Variants in FOCAD observed in about 807,000 individuals in gnomAD.
FOCAD encodes focadhesin.
Under a neutral mutation model 225.6 loss-of-function variants are expected in FOCAD, and 198 were observed. That is an observed-to-expected ratio of 0.88 (90% CI 0.78 to 0.99). The LOEUF (loss-of-function observed/expected upper bound fraction) is 0.99, where lower values mean the gene tolerates loss of function less well. Among genes scored for constraint, FOCAD ranks in the 50% least tolerant of loss-of-function variants. The pLI is 0.00. For missense variants in FOCAD, 2,713 were observed against 2,123.6 expected (o/e 1.28, Z -5.46); for synonymous variants, 897 against 755.0 (o/e 1.19, Z -3.08).
intron 5 of FOCAD, among the ~76,000 whole-genome samples, chr9:20,741,676 CT>C (rs10675694): frequency 6.4e-4 from 56 of 87,162 alleles, no homozygotes; most frequent in African/African-American, 1.6e-3. Flanking sequence ...GGTAAATATG[CT>C]TTTTTTTTTT....
rs141982762 is a variant in FOCAD, at chr9:20,895,308, C to G, written c.2625+10078C>G. On this transcript the variant is annotated intron_variant, in intron 21 of 43. Coordinates refer to ENST00000338382, the MANE Select transcript of FOCAD (RefSeq NM_001375567.1). Reference sequence around the variant, plus strand: ...TTGTTGGCTCTTCTTTGTCCTTTGTCTCTTCATATGAACATTTGAATCAAT... The same window carrying G: ...TTGTTGGCTCTTCTTTGTCCTTTGTGTCTTCATATGAACATTTGAATCAAT... 1.5e-3 allele frequency among the ~76,000 whole-genome samples: 222 copies of G among 151,960 alleles called. 1 individual carries two copies. Among genetic ancestry groups the G allele is most frequent in the Non-Finnish European group, 2.3e-3 (158 of 67,910 alleles).
chr9:20,720,113 A>G (rs1165615163), intron 3 of FOCAD, among the ~76,000 whole-genome samples: 1 of 152,156 alleles, frequency 6.6e-6, no homozygotes, highest in East Asian at 1.9e-4. Flanking sequence ...GTGTTGCTTG[A>G]ACTCGGGTCA....
Position 20,717,826 on chromosome 9 carries a change from G to A in FOCAD, c.90G>A (p.Lys30=). 1.9e-6 allele frequency: 3 copies of A among 1,612,650 alleles called. No homozygotes were observed. Among genetic ancestry groups the A allele is most frequent in the Non-Finnish European group, 2.5e-6 (3 of 1,179,464 alleles). The part of the protein sequence containing the change: ...AVGHLIAAVL[K]ENGFSEKIHQ... ...GTCATCTTATTGCTGCAGTCCTAAA[G>A]GAAAATGGTTTTTCAGAAAAGATTC... The change falls in exon 3 of 44, where the codon AAG becomes AAA. Residue 30 remains lysine (K), a synonymous_variant. Coordinates refer to ENST00000338382, the MANE Select transcript of FOCAD (RefSeq NM_001375567.1).
intron 11 of FOCAD, among the ~76,000 whole-genome samples, chr9:20,803,529 G>T: frequency 6.6e-6 from 1 of 152,138 alleles, no homozygotes; most frequent in Admixed American, 6.5e-5. Flanking sequence ...AGATGTGTTA[G>T]TGTTCCCTTT....
intron 11 of FOCAD, among the ~76,000 whole-genome samples, chr9:20,819,334 T>C (rs955119228): frequency 6.6e-6 from 1 of 152,056 alleles, no homozygotes; most frequent in African/African-American, 2.4e-5. Context: ...CCACCTTACC[T>C]TCCCAAGTAG....
chr9:20,705,725 GAA>G (rs924863199), intron 1 of FOCAD, among the ~76,000 whole-genome samples: 24 of 145,744 alleles, frequency 1.6e-4, no homozygotes, highest in African/African-American at 6.0e-4. Context: ...TATAATATTG[GAA>G]AAAAAAAAGT....
At chr9:20,939,973 G>A (rs62560530) in intron 28 of FOCAD, among the ~76,000 whole-genome samples, 36,334 of 146,960 alleles carry the variant, frequency 0.25, 4,664 homozygotes, top group South Asian at 0.35. Flanking sequence ...TCATTGTTCA[G>A]TTCCCACCTA....
intron 1 of FOCAD, among the ~76,000 whole-genome samples, chr9:20,712,730 C>CTCT (rs781743985): frequency 1.1e-5 from 1 of 93,322 alleles, no homozygotes; most frequent in East Asian, 3.5e-4. Flanking sequence ...CTCCTATATT[C>CTCT]TTTTTTTTTT....
At chr9:20,871,758 TG>T (rs1298817724) in intron 18 of FOCAD, among the ~76,000 whole-genome samples, 1 of 69,346 alleles carries the variant, frequency 1.4e-5, no homozygotes, top group African/African-American at 5.9e-5. Flanking sequence ...GGGACTGTTG[TG>T]GGGTGGGGGG....
intron 5 of FOCAD, among the ~76,000 whole-genome samples, chr9:20,756,119 G>C (rs1048383332): frequency 4.6e-5 from 7 of 152,276 alleles, no homozygotes; most frequent in Middle Eastern, 3.4e-3. Flanking sequence ...ACTGCCAAAG[G>C]GTTTGGAATT....
At chr9:20,866,094 T>G in intron 17 of FOCAD, 118 bp downstream of exon 17, 2 of 837,354 alleles carry the variant, frequency 2.4e-6, no homozygotes, top group Admixed American at 6.4e-5. Context: ...GGGTTCCCAA[T>G]TTTTAAAAAA....
chr9:20,978,727 AG>A (rs1301458036), intron 37 of FOCAD, among the ~76,000 whole-genome samples: 1 of 152,254 alleles, frequency 6.6e-6, no homozygotes, highest in Non-Finnish European at 1.5e-5. Context: ...AAGATCATAT[AG>A]CTAGAAAGTG....
chr9:20,938,431 G>T (rs1427854050), intron 28 of FOCAD, among the ~76,000 whole-genome samples: 1 of 152,126 alleles, frequency 6.6e-6, no homozygotes, highest in African/African-American at 2.4e-5. Context: ...TCCTTTGTAG[G>T]GACATGGATG....
chr9:20,684,620 C>G (rs1822547155), intron 1 of FOCAD: 1 of 152,488 alleles, frequency 6.6e-6, no homozygotes, highest in African/African-American at 2.4e-5. Flanking sequence ...GATCTCGACT[C>G]GGAAGCCGGT....
intron 5 of FOCAD, among the ~76,000 whole-genome samples, chr9:20,749,334 G>T (rs930406381): frequency 3.9e-5 from 6 of 152,232 alleles, no homozygotes; most frequent in Non-Finnish European, 7.4e-5. Flanking sequence ...TGCTTTGCTC[G>T]AAGTCTTTCT....
chr9:20,898,489 T>A (rs913354832), intron 21 of FOCAD, among the ~76,000 whole-genome samples: 4 of 151,932 alleles, frequency 2.6e-5, no homozygotes, highest in African/African-American at 9.7e-5. Flanking sequence ...TCAGAGATTA[T>A]CTCCTCAGTT....
chr9:20,797,092 T>C (rs940168280), intron 11 of FOCAD, among the ~76,000 whole-genome samples: 1 of 152,186 alleles, frequency 6.6e-6, no homozygotes, highest in Non-Finnish European at 1.5e-5. Context: ...CCATTTCTTG[T>C]TTTTTGTGAG....
intron 14 of FOCAD, among the ~76,000 whole-genome samples, chr9:20,821,746 A>G (rs910854440): frequency 2.0e-5 from 3 of 151,978 alleles, no homozygotes; most frequent in Non-Finnish European, 4.4e-5. Context: ...GTAGTCCTGC[A>G]GTTTCATTTG....
intron 7 of FOCAD, among the ~76,000 whole-genome samples, chr9:20,768,663 A>G (rs1446534027): frequency 6.6e-6 from 1 of 152,164 alleles, no homozygotes; most frequent in African/African-American, 2.4e-5. Flanking sequence ...TCACATTTAA[A>G]TTTTAAAATA....
Sources: gnomAD v4.1 joint callset for allele counts (sites outside exome capture counted in the v4.1 genomes callset) on GRCh38, gnomAD v4.1.1 for gene constraint, MANE v1.5 for transcripts, NCBI Gene and HGNC (gene_info 2026-07-23, HGNC 2026-07-21) for gene names.